Variants in USP10 observed in about 807,000 individuals in gnomAD.
The protein encoded by USP10 is ubiquitin carboxyl-terminal hydrolase 10.
A neutral mutation model predicts 84.5 loss-of-function variants in USP10; 22 were observed. The ratio of observed to expected loss-of-function variants is 0.26; its 90% CI spans 0.19 to 0.37. The LOEUF is 0.37. Ranked by LOEUF, USP10 falls within the 10% of genes least tolerant of loss-of-function variation. The pLI, the probability that USP10 is intolerant of heterozygous loss-of-function variation, is 1.00. For missense variants in USP10, 1,019 were observed against 998.9 expected (o/e 1.02, Z -0.27); for synonymous variants, 454 against 387.6 (o/e 1.17, Z -2.01).
At chr16:84,748,046 C>G (rs1330772477) in intron 4 of USP10, among the ~76,000 whole-genome samples, 2 of 146,674 alleles carry the variant, frequency 1.4e-5, no homozygotes, top group Non-Finnish European at 3.0e-5. Context: ...CCCAGCTACT[C>G]AGGAGGCTGA....
intron 2 of USP10, 131 bp from the exon 3 acceptor site, chr16:84,740,178 T>C (rs1484245852): frequency 4.2e-6 from 3 of 709,868 alleles, no homozygotes; most frequent in Non-Finnish European, 4.7e-6. Context: ...ATGTATGTTA[T>C]TCTGCTAGAA....
Position 84,733,510 on chromosome 16 carries a change from C to A in USP10, c.90+7C>A. ...TCCTCGATCTTCAGTTGAGGTAAGACAAAACTTTGTTTTAGTGAGTCCGTG... is the reference window on the plus strand; with the variant it reads ...TCCTCGATCTTCAGTTGAGGTAAGAAAAAACTTTGTTTTAGTGAGTCCGTG... On this transcript the variant is annotated splice_region_variant and intron_variant, in intron 2 of 13. Transcript: ENST00000219473. 6.2e-7 allele frequency: 1 copy of A among 1,605,644 alleles called. No homozygotes were observed. The highest frequency in any genetic ancestry group is 8.5e-7 in the Non-Finnish European group (1 of 1,176,686).
At chr16:84,702,993 CAAAA>C (rs1157728872) in intron 1 of USP10, among the ~76,000 whole-genome samples, 11 of 52,170 alleles carry the variant, frequency 2.1e-4, no homozygotes, top group Admixed American at 1.5e-3. Flanking sequence ...ACTCCCGTCT[CAAAA>C]AAAAAAAAAA....
intron 4 of USP10, among the ~76,000 whole-genome samples, chr16:84,757,192 C>T (rs531897535): frequency 6.6e-6 from 1 of 152,190 alleles, no homozygotes; most frequent in South Asian, 2.1e-4. Context: ...CGTAACTGAT[C>T]CATTATTCAT....
At chr16:84,702,091 C>G (rs1445325692) in intron 1 of USP10, among the ~76,000 whole-genome samples, 1 of 116,440 alleles carries the variant, frequency 8.6e-6, no homozygotes, top group Non-Finnish European at 1.6e-5. Context: ...GAGTCTTGCT[C>G]TGTCGCCCAG....
At chr16:84,754,923 T>A (rs939215524) in intron 4 of USP10, among the ~76,000 whole-genome samples, 1 of 151,900 alleles carries the variant, frequency 6.6e-6, no homozygotes, top group Admixed American at 6.6e-5. Context: ...GGCGGATTGC[T>A]TGAGGCCAGG....
chr16:84,719,647 C>T (rs1453359295), intron 1 of USP10, among the ~76,000 whole-genome samples: 2 of 152,120 alleles, frequency 1.3e-5, no homozygotes, highest in East Asian at 3.9e-4. Flanking sequence ...TATAGGAAGC[C>T]GATTGGGTGG....
intron 6 of USP10, 56 bp downstream of exon 6, chr16:84,759,528 T>C: frequency 2.7e-6 from 4 of 1,478,308 alleles, no homozygotes. Flanking sequence ...GTCTGATAAT[T>C]AGAATTGAAA....
intron 1 of USP10, among the ~76,000 whole-genome samples, chr16:84,705,886 A>C (rs920854466): frequency 4.6e-5 from 7 of 151,028 alleles, no homozygotes; most frequent in Non-Finnish European, 1.0e-4. Context: ...CGCCCAGCTA[A>C]TTTTTTTGTA....
At position 84,759,472 on chromosome 16, in the gene USP10, TGTAA is replaced by T. The variant is rs1324230247; in HGVS notation, c.1394+6_1394+9del. Reference sequence around the variant, plus strand: ...ACGTCAACACCCATGATAGACAGCTTGTAAGTAAGGTGGTGAAAGATGTGTTAAG... The same window carrying T: ...ACGTCAACACCCATGATAGACAGCTTGTAAGGTGGTGAAAGATGTGTTAAG... On this transcript the variant is annotated splice_donor_variant and splice_donor_region_variant and intron_variant, in intron 6 of 13. Coordinates refer to ENST00000219473, the MANE Select transcript of USP10 (RefSeq NM_005153.3). LOFTEE classifies it high-confidence loss of function. 6.2e-7 allele frequency: 1 copy of T among 1,613,294 alleles called. No homozygotes were observed. Among genetic ancestry groups the T allele is most frequent in the Non-Finnish European group, 8.5e-7 (1 of 1,179,382 alleles).
At chr16:84,706,830 G>C (rs746232590) in intron 1 of USP10, among the ~76,000 whole-genome samples, 1 of 151,870 alleles carries the variant, frequency 6.6e-6, no homozygotes. Flanking sequence ...GTGAGCCACC[G>C]CGCCGGGCCA....
At chr16:84,728,246 G>A (rs1908764592) in intron 1 of USP10, among the ~76,000 whole-genome samples, 2 of 152,126 alleles carry the variant, frequency 1.3e-5, no homozygotes, top group Non-Finnish European at 2.9e-5. Context: ...TCAACATTTA[G>A]TCAGATATCA....
chr16:84,763,090 T>C lies in USP10; in HGVS notation c.1654+2T>C. 1 of 1,601,852 alleles carries C rather than the reference T, an allele frequency of 6.2e-7. No homozygotes were observed. The highest frequency in any genetic ancestry group is 8.6e-7 in the Non-Finnish European group (1 of 1,169,412). ...AGCTTCTCTCACCAAGTAATGAAAGTAGGTTATGGTCCACTTGCCGCAGAG... is the reference window on the plus strand; with the variant it reads ...AGCTTCTCTCACCAAGTAATGAAAGCAGGTTATGGTCCACTTGCCGCAGAG... On this transcript the variant is annotated splice_donor_variant, in intron 9 of 13. Transcript: ENST00000219473. LOFTEE classifies it high-confidence loss of function.
At chr16:84,733,084 A>C in intron 1 of USP10, 1 of 462,796 alleles carries the variant, frequency 2.2e-6, no homozygotes, top group African/African-American at 2.0e-5. Context: ...AAATGGAGGT[A>C]GTGGCATGAG....
intron 11 of USP10, among the ~76,000 whole-genome samples, chr16:84,769,308 C>G (rs925818242): frequency 2.0e-5 from 3 of 152,104 alleles, no homozygotes; most frequent in Non-Finnish European, 4.4e-5. Context: ...ACATAGGGAC[C>G]CTTAGCACCT....
intron 2 of USP10, among the ~76,000 whole-genome samples, chr16:84,734,751 T>G (rs1909673779): frequency 6.6e-6 from 1 of 152,244 alleles, no homozygotes; most frequent in East Asian, 1.9e-4. Context: ...TCTGTTTTCT[T>G]CTAAAAGTTT....
chr16:84,767,208 C>T (rs765541554), intron 10 of USP10, among the ~76,000 whole-genome samples: 5 of 151,924 alleles, frequency 3.3e-5, no homozygotes, highest in African/African-American at 7.3e-5. Context: ...CATTTTATTC[C>T]GTTGAGAAAC....
chr16:84,713,287 A>G (rs1906547312), intron 1 of USP10, among the ~76,000 whole-genome samples: 1 of 152,070 alleles, frequency 6.6e-6, no homozygotes, highest in Admixed American at 6.5e-5. Context: ...CTGTCTGTAG[A>G]CAGGCTCGCC....
chr16:84,700,458 G>T (rs979649384), intron 1 of USP10, among the ~76,000 whole-genome samples: 1 of 151,984 alleles, frequency 6.6e-6, no homozygotes, highest in African/African-American at 2.4e-5. Context: ...CGCGCCGGCC[G>T]GGGGAGGCGG....
Sources: allele counts gnomAD v4.1 joint callset (sites outside exome capture counted in the v4.1 genomes callset), GRCh38; gene constraint gnomAD v4.1.1; transcripts MANE v1.5; gene names NCBI Gene and HGNC (gene_info 2026-07-23, HGNC 2026-07-21).